The following TENM1 variants were observed in gnomAD, a reference collection of about 807,000 sequenced individuals.
TENM1 encodes the protein teneurin-1.
A neutral mutation model predicts 174.8 loss-of-function variants in TENM1; 35 were observed. The observed-to-expected ratio is 0.20, with a 90% CI of 0.15 to 0.27. The LOEUF is 0.27. TENM1 is among the 10% of genes least tolerant of loss of function. The probability of loss-of-function intolerance (pLI) is 1.00; values close to 1 mark genes in which losing one functional copy is unlikely to be tolerated. For synonymous variants in TENM1, 781 were observed against 798.7 expected (o/e 0.98, Z 0.37); for missense variants, 1,633 against 2,130.1 (o/e 0.77, Z 4.59).
the TENM1 span, among the ~76,000 whole-genome samples, chrX:125,100,067 T>C: frequency 9.0e-6 from 1 of 111,478 alleles, no homozygotes; most frequent in Non-Finnish European, 1.9e-5. Context: ...AGACATTTAA[T>C]TAGAAGTCCT....
intron 1 of TENM1, among the ~76,000 whole-genome samples, chrX:124,905,677 A>C: frequency 8.9e-6 from 1 of 111,760 alleles, no homozygotes; most frequent in East Asian, 2.8e-4. Context: ...CTTTGAGTTG[A>C]GAAGACTAAG....
chrX:125,041,003 G>A, the TENM1 span, among the ~76,000 whole-genome samples: 1 of 110,971 alleles, frequency 9.0e-6, no homozygotes, highest in African/African-American at 3.3e-5. Flanking sequence ...ATGTCAATTG[G>A]GGAATCATTA....
chrX:124,566,614 C>T (rs1436061349), intron 11 of TENM1, among the ~76,000 whole-genome samples: 1 of 112,405 alleles, frequency 8.9e-6, no homozygotes, highest in Non-Finnish European at 1.9e-5. Context: ...GTCTCTTTCA[C>T]AGTCTCAAAT....
intron 20 of TENM1, among the ~76,000 whole-genome samples, chrX:124,488,707 T>C (rs995780028): frequency 1.8e-5 from 2 of 112,506 alleles, no homozygotes; most frequent in Non-Finnish European, 3.8e-5. Flanking sequence ...ATGAGTGTGT[T>C]TGAGCCTAGC....
intron 22 of TENM1, among the ~76,000 whole-genome samples, chrX:124,477,537 A>C (rs2046755132): frequency 9.0e-6 from 1 of 111,148 alleles, no homozygotes; most frequent in African/African-American, 3.2e-5. Context: ...GCGGATCACG[A>C]GGTCAGGAGT....
Position 124,565,610 on chromosome X carries a change from A to G in TENM1, c.2078-50T>C. ...ATTAACATATTTTGTTAAAACCAGC[A>G]TCCATTCTTCCAAAAAACATTATAA... is the stretch of plus-strand genomic sequence containing the variant. On this transcript the variant is annotated intron_variant, in intron 11 of 31. Transcript: ENST00000422452. The G allele has an allele frequency of 3.3e-6, 3 of 910,484 alleles. No individual in the cohort carries two copies. In the East Asian group the frequency reaches 1.1e-4, roughly 34 times the overall value. 75.0% of individuals were successfully genotyped at this position (910,484 alleles called of 1,213,427 possible). A position where few individuals can be genotyped will look rare whatever the true frequency, so the allele number is the denominator to read the frequency against.
the TENM1 span, among the ~76,000 whole-genome samples, chrX:124,974,164 T>C: frequency 8.9e-6 from 1 of 111,740 alleles, no homozygotes; most frequent in African/African-American, 3.2e-5. Flanking sequence ...AAGTTGCTTT[T>C]ACAACAGACC....
chrX:125,050,674 C>T, the TENM1 span, among the ~76,000 whole-genome samples: 1 of 111,313 alleles, frequency 9.0e-6, no homozygotes, highest in African/African-American at 3.3e-5. Flanking sequence ...TGGGTATATA[C>T]CCAGTAATGG....
intron 18 of TENM1, among the ~76,000 whole-genome samples, chrX:124,510,491 C>T (rs762309232): frequency 1.8e-5 from 2 of 111,743 alleles, no homozygotes; most frequent in Admixed American, 1.9e-4. Context: ...AACAGTATCT[C>T]CTTTTACTCT....
intron 3 of TENM1, among the ~76,000 whole-genome samples, chrX:124,857,021 T>C (rs1569466038): frequency 9.0e-6 from 1 of 111,247 alleles, no homozygotes; most frequent in Non-Finnish European, 1.9e-5. Context: ...ACATAAATTA[T>C]GTATGTACTG....
the TENM1 span, among the ~76,000 whole-genome samples, chrX:125,005,711 G>A: frequency 9.1e-6 from 1 of 110,382 alleles, no homozygotes; most frequent in African/African-American, 3.3e-5. Context: ...TTGTTAGACA[G>A]TGGGTGCGAC....
intron 25 of TENM1, among the ~76,000 whole-genome samples, chrX:124,413,361 T>A (rs2060557656): frequency 8.9e-6 from 1 of 111,871 alleles, no homozygotes; most frequent in African/African-American, 3.3e-5. Flanking sequence ...ATTTTTATAT[T>A]CTCCGTGTCT....
chrX:124,536,633 A>G (rs1238446845), intron 15 of TENM1, among the ~76,000 whole-genome samples: 1 of 111,409 alleles, frequency 9.0e-6, no homozygotes, highest in Non-Finnish European at 1.9e-5. Context: ...AAGTAATGGG[A>G]AAAAGATCAA....
Position 124,923,087 on chromosome X carries a change from G to C in TENM1, c.218-26846C>G, listed in dbSNP as rs547110245. On this transcript the variant is annotated intron_variant, in intron 1 of 31. Coordinates refer to ENST00000422452, the Ensembl canonical transcript of TENM1. ...AAGCTTCATAATTATTCAAATCCTT[G>C]GTATTATTTTTTGCCTACTTTTCAA... Among the ~76,000 whole-genome samples, 76 of 111,392 alleles carry C rather than the reference G, an allele frequency of 6.8e-4. 1 individual carries two copies. Among genetic ancestry groups the C allele is most frequent in the African/African-American group, 2.3e-3 (70 of 30,788 alleles).
chrX:124,810,686 GA>G (rs768004527), intron 3 of TENM1, among the ~76,000 whole-genome samples: 4 of 110,771 alleles, frequency 3.6e-5, no homozygotes, highest in Admixed American at 9.6e-5. Flanking sequence ...TACAGAAATA[GA>G]AAAAAAATTC....
At chrX:124,773,332 C>T (rs1394914232) in intron 3 of TENM1, among the ~76,000 whole-genome samples, 3 of 108,901 alleles carry the variant, frequency 2.8e-5, no homozygotes, top group Non-Finnish European at 5.7e-5. Context: ...TGTTTGTTAA[C>T]CAAACTACCC....
At chrX:124,789,659 T>G (rs753987025) in intron 3 of TENM1, among the ~76,000 whole-genome samples, 5 of 111,308 alleles carry the variant, frequency 4.5e-5, no homozygotes, top group African/African-American at 1.6e-4. Context: ...TCATCTTAGA[T>G]CCAGTTCCCA....
Position 124,801,680 on chromosome X carries a change from T to C in TENM1, c.536-64483A>G, listed in dbSNP as rs1354955429. 2.7e-5 allele frequency among the ~76,000 whole-genome samples: 3 copies of C among 111,990 alleles called. No individual in the cohort carries two copies. The East Asian group carries it at 8.4e-4, about 31-fold the overall frequency. ...TAGTTGATGCAGTTTCTTCATCGTG[T>C]CATTGGCCTTTATATTTTGGTGTGT... is the stretch of plus-strand genomic sequence containing the variant. On this transcript the variant is annotated intron_variant, in intron 3 of 31. Coordinates refer to ENST00000422452, the Ensembl canonical transcript of TENM1.
chrX:124,838,930 C>T (rs992623277), intron 3 of TENM1, among the ~76,000 whole-genome samples: 9 of 110,643 alleles, frequency 8.1e-5, no homozygotes, highest in Admixed American at 3.9e-4. Context: ...AGATAAAAAC[C>T]GAATTCCACT....
Sources: gnomAD v4.1 joint callset for allele counts (sites outside exome capture counted in the v4.1 genomes callset) on GRCh38, gnomAD v4.1.1 for gene constraint, MANE v1.5 for transcripts, NCBI Gene and HGNC (gene_info 2026-07-23, HGNC 2026-07-21) for gene names.